The following PHF24 variants were observed in gnomAD, a reference collection of about 807,000 sequenced individuals.
PHF24 encodes PHD finger protein 24, also known as Galpha inhibitory interacting protein.
Under a neutral mutation model 42.6 loss-of-function variants are expected in PHF24, and 25 were observed. The observed-to-expected ratio is 0.59, with a 90% CI of 0.43 to 0.82. The LOEUF is 0.82. Ranked by LOEUF, PHF24 falls within the 40% of genes least tolerant of loss-of-function variation. The pLI, the probability that PHF24 is intolerant of heterozygous loss-of-function variation, is 0.00. For synonymous variants in PHF24, 185 were observed against 204.8 expected, an observed-to-expected ratio of 0.90 and a Z score of 0.83; for missense variants, 470 against 538.1, an observed-to-expected ratio of 0.87 and a Z score of 1.25.
chr9:34,742,122 C>T, the PHF24 span, among the ~76,000 whole-genome samples: 14 of 152,224 alleles, frequency 9.2e-5, no homozygotes, highest in African/African-American at 3.4e-4. Flanking sequence ...AAAAATAGAA[C>T]ATCTGTATCT....
chr9:34,943,718 A>G, the PHF24 span, among the ~76,000 whole-genome samples: 2 of 152,170 alleles, frequency 1.3e-5, no homozygotes, highest in Non-Finnish European at 2.9e-5. Flanking sequence ...CCAGAGAATT[A>G]TGCTCTATTA....
At chr9:34,669,730 TAAAG>T in the PHF24 span, among the ~76,000 whole-genome samples, 1 of 152,122 alleles carries the variant, frequency 6.6e-6, no homozygotes. Flanking sequence ...TGGTGTGTAA[TAAAG>T]AATTTGACTG....
the PHF24 span, chr9:34,837,814 T>A: frequency 5.7e-6 from 4 of 700,114 alleles, no homozygotes; most frequent in Non-Finnish European, 9.9e-6. Context: ...CTGTATTTTA[T>A]ACGCTTTCCT....
At chr9:34,935,773 TCA>T in the PHF24 span, among the ~76,000 whole-genome samples, 1 of 151,534 alleles carries the variant, frequency 6.6e-6, no homozygotes, top group Non-Finnish European at 1.5e-5. Context: ...CAACAGTATC[TCA>T]CAACATATTT....
At chr9:34,832,707 T>C in the PHF24 span, 2 of 1,545,026 alleles carry the variant, frequency 1.3e-6, no homozygotes, top group Non-Finnish European at 1.7e-6. Flanking sequence ...CTTTTGAGTA[T>C]GGGCTGGCAT....
At chr9:34,740,215 C>T in the PHF24 span, among the ~76,000 whole-genome samples, 1 of 152,242 alleles carries the variant, frequency 6.6e-6, no homozygotes. Context: ...AGCTGTCTGC[C>T]AGTCCCCGGC....
chr9:34,782,649 G>C, the PHF24 span, among the ~76,000 whole-genome samples: 1 of 152,098 alleles, frequency 6.6e-6, no homozygotes, highest in Non-Finnish European at 1.5e-5. Context: ...CAGAGGTAAG[G>C]GTCTGACTTA....
the PHF24 span, among the ~76,000 whole-genome samples, chr9:34,729,861 T>C: frequency 6.6e-6 from 1 of 152,170 alleles, no homozygotes; most frequent in Non-Finnish European, 1.5e-5. Flanking sequence ...GTAATATACC[T>C]GAGAAACACA....
At chr9:34,761,601 CT>C in the PHF24 span, among the ~76,000 whole-genome samples, 1 of 152,084 alleles carries the variant, frequency 6.6e-6, no homozygotes, top group Non-Finnish European at 1.5e-5. Flanking sequence ...TTTTTAAAGA[CT>C]TTGTGGTTGG....
the PHF24 span, chr9:34,838,724 T>C: frequency 3.0e-6 from 1 of 333,470 alleles, no homozygotes; most frequent in East Asian, 4.8e-5. Context: ...GGACTGAAGG[T>C]GCCACAAGCA....
the PHF24 span, among the ~76,000 whole-genome samples, chr9:34,944,143 C>T: frequency 6.6e-6 from 1 of 152,210 alleles, no homozygotes; most frequent in Non-Finnish European, 1.5e-5. Context: ...TCTCTAAGAA[C>T]CACCCTATTC....
chr9:34,848,596 T>C, the PHF24 span, among the ~76,000 whole-genome samples: 358 of 151,976 alleles, frequency 2.4e-3, 1 homozygote, highest in African/African-American at 8.1e-3. Flanking sequence ...GTGTCTCTAT[T>C]TCCTTCAGTT....
chr9:34,967,127 A>T (rs1165789290), intron 1 of PHF24, among the ~76,000 whole-genome samples: 1 of 152,182 alleles, frequency 6.6e-6, no homozygotes, highest in Non-Finnish European at 1.5e-5. Context: ...GAGGTATATT[A>T]GTAGCTGTCC....
the PHF24 span, among the ~76,000 whole-genome samples, chr9:34,758,390 G>A: frequency 6.6e-6 from 1 of 152,092 alleles, no homozygotes; most frequent in Admixed American, 6.6e-5. This position sits in a 1 kb window ranked among gnomAD's most constrained non-coding sequence, Gnocchi z 4.4. Context: ...GCTGGCTTAA[G>A]GGCGGGTTCA....
chr9:34,688,303 C>G, the PHF24 span, among the ~76,000 whole-genome samples: 1 of 152,222 alleles, frequency 6.6e-6, no homozygotes. Context: ...TCACTCCCAG[C>G]TGGAGAGGCC....
chr9:34,950,017 A>G, the PHF24 span, among the ~76,000 whole-genome samples: 1 of 152,172 alleles, frequency 6.6e-6, no homozygotes. Context: ...GAGTAAAAAA[A>G]AAGAAAGAAA....
At chr9:34,828,727 C>T in the PHF24 span, among the ~76,000 whole-genome samples, 6 of 152,170 alleles carry the variant, frequency 3.9e-5, no homozygotes, top group Non-Finnish European at 8.8e-5. Context: ...ATACTTTCCT[C>T]TCTTTGCTTT....
intron 1 of PHF24, among the ~76,000 whole-genome samples, chr9:34,967,668 C>G (rs577262121): frequency 7.9e-5 from 12 of 152,226 alleles, no homozygotes; most frequent in Non-Finnish European, 1.6e-4. Context: ...ATCGAACACG[C>G]TGTTGCCCAT....
the PHF24 span, among the ~76,000 whole-genome samples, chr9:34,839,430 C>G: frequency 6.6e-6 from 1 of 152,164 alleles, no homozygotes; most frequent in South Asian, 2.1e-4. Context: ...CCACTTTTGC[C>G]TCAGGACTCA....
Sources: gnomAD v4.1 joint callset for allele counts (sites outside exome capture counted in the v4.1 genomes callset) on GRCh38, gnomAD v4.1.1 for gene constraint, Gnocchi (gnomAD v3.1) non-coding constraint, MANE v1.5 for transcripts, NCBI Gene and HGNC (gene_info 2026-07-23, HGNC 2026-07-21) for gene names.